Variants in PDPK1 observed in about 807,000 individuals in gnomAD.
PDPK1 encodes the protein 3-phosphoinositide-dependent protein kinase 1.
PDPK1 carries 7 observed loss-of-function variants against 39.8 expected under a neutral mutation model. That is an observed-to-expected ratio of 0.18 (90% CI 0.10 to 0.33). PDPK1 has a LOEUF of 0.33. Ranked by LOEUF, PDPK1 falls within the 10% of genes least tolerant of loss-of-function variation. The pLI is 1.00. For missense variants in PDPK1, 182 were observed against 384.7 expected, an observed-to-expected ratio of 0.47 and a Z score of 4.41; for synonymous variants, 118 against 159.1, an observed-to-expected ratio of 0.74 and a Z score of 1.95.
At position 2,597,298 on chromosome 16, in the gene PDPK1, C is replaced by G; in HGVS notation, c.1554+23C>G. The G allele has an allele frequency of 6.4e-7, 1 of 1,563,508 alleles. No homozygotes were observed. The highest frequency in any genetic ancestry group is 8.7e-7 in the Non-Finnish European group (1 of 1,145,082). Reference sequence around the variant, plus strand: ...ACGGTGAGTCTGTTCCCAGGGATTTCTGTGTGCAGGGTAATGGGAGGGCTT... The same window carrying G: ...ACGGTGAGTCTGTTCCCAGGGATTTGTGTGTGCAGGGTAATGGGAGGGCTT... On this transcript the variant is annotated intron_variant, in intron 13 of 13. Transcript: ENST00000342085. This position sits in a 1 kb window ranked among gnomAD's most constrained non-coding sequence, Gnocchi z 6.3.
At chr16:2,592,708 T>A in intron 11 of PDPK1, 4 of 424,552 alleles carry the variant, frequency 9.4e-6, no homozygotes, top group Non-Finnish European at 1.8e-5. Flanking sequence ...TTCCTGGAAG[T>A]GCTCACAGCA....
chr16:2,539,078 C>CTT (rs57517702), intron 1 of PDPK1: 4,157 of 146,178 alleles, frequency 0.028, 351 homozygotes, highest in African/African-American at 0.12. Flanking sequence ...CAGGATGCGG[C>CTT]TTTTTTTTTT....
chr16:2,540,525 G>C (rs1197238263), intron 1 of PDPK1, among the ~76,000 whole-genome samples: 2 of 152,204 alleles, frequency 1.3e-5, no homozygotes, highest in Non-Finnish European at 1.5e-5. Flanking sequence ...CTGCCGGGCA[G>C]CTCAGCCCAG....
chr16:2,597,517 C>A lies in PDPK1; in HGVS notation c.1555-134C>A. ...GGTCATCAGCCTGTGTAGTTGCTTA[C>A]TGCTTGTGTGAATAACCGTCACACC... On this transcript the variant is annotated intron_variant, in intron 13 of 13. Coordinates refer to ENST00000342085, the MANE Select transcript of PDPK1 (RefSeq NM_002613.5). The surrounding 1 kb of genome is among the most constrained non-coding windows in gnomAD (Gnocchi z 6.3). The A allele has an allele frequency of 1.3e-6, 1 of 750,800 alleles. No homozygotes were observed. The allele number at this position is 750,800 out of a possible 1,614,324, so 46.5% of individuals were successfully genotyped here.
rs2067250659 is a variant in PDPK1, at chr16:2,603,032, A to G, written c.*5265A>G. 1 of 228,722 alleles carries G rather than the reference A, an allele frequency of 4.4e-6. No homozygotes were observed. The highest frequency in any genetic ancestry group is 8.7e-6 in the Non-Finnish European group (1 of 115,194). 14.2% of individuals were successfully genotyped at this position (228,722 alleles called of 1,614,324 possible). A position where few individuals can be genotyped will look rare whatever the true frequency, so the allele number is the denominator to read the frequency against. ...ACAACTTTTTTTCTGGCTTTATTAT[A>G]TAAATTTTCTATTGGGTCAGTGATT... On this transcript the variant is annotated 3_prime_UTR_variant, in exon 14 of 14. Transcript: ENST00000342085.
intron 10 of PDPK1, among the ~76,000 whole-genome samples, chr16:2,584,920 CG>C (rs1039529973): frequency 2.0e-5 from 3 of 152,206 alleles, no homozygotes; most frequent in African/African-American, 7.2e-5. Context: ...GCTGCTCCTG[CG>C]TGGTGTTTGG....
In PDPK1 at chr16:2,580,392, G is replaced by A. The variant is rs567011274; in HGVS notation, c.786-903G>A. Reference sequence around the variant, plus strand: ...GTGCCCTGTTCTCCCTCTAGTGGGCGAGACGGGGTCTGCTGGGCTGAGTGA... The same window carrying A: ...GTGCCCTGTTCTCCCTCTAGTGGGCAAGACGGGGTCTGCTGGGCTGAGTGA... On this transcript the variant is annotated intron_variant, in intron 7 of 13. Coordinates refer to ENST00000342085, the MANE Select transcript of PDPK1 (RefSeq NM_002613.5). Among the ~76,000 whole-genome samples, 37 of 146,804 alleles carry A rather than the reference G, an allele frequency of 2.5e-4. 4 individuals are homozygous for A. The South Asian group carries it at 3.8e-3, about 15-fold the overall frequency.
chr16:2,541,069 G>C (rs564889576), intron 1 of PDPK1, among the ~76,000 whole-genome samples: 3 of 152,198 alleles, frequency 2.0e-5, no homozygotes, highest in African/African-American at 7.2e-5. Flanking sequence ...AGTCCAAGCT[G>C]AGTCTAGAGC....
At position 2,597,495 on chromosome 16, in the gene PDPK1, C is replaced by T. The variant is rs1183140859; in HGVS notation, c.1555-156C>T. ...TTTGGTGGTGACTGGGGGTGGTGGT[C>T]ATCAGCCTGTGTAGTTGCTTACTGC... On this transcript the variant is annotated intron_variant, in intron 13 of 13. Coordinates refer to ENST00000342085, the MANE Select transcript of PDPK1 (RefSeq NM_002613.5). The surrounding 1 kb of genome is among the most constrained non-coding windows in gnomAD (Gnocchi z 6.3). Among the ~76,000 whole-genome samples the T allele has an allele frequency of 6.6e-6, 1 of 152,314 alleles. No homozygotes were observed. The highest frequency in any genetic ancestry group is 1.9e-4 in the East Asian group (1 of 5,182).
intron 6 of PDPK1, 161 bp from the exon 7 acceptor site, chr16:2,577,264 A>G: frequency 1.4e-6 from 1 of 714,098 alleles, no homozygotes; most frequent in African/African-American, 1.9e-5. Context: ...TCCAGGGATC[A>G]GGCAGGCGTC....
chr16:2,538,360 G>T, intron 1 of PDPK1: 1 of 387,410 alleles, frequency 2.6e-6, no homozygotes, highest in Non-Finnish European at 4.9e-6. Flanking sequence ...CCTGGCCGGG[G>T]GCGCTGACAG....
At chr16:2,558,592 G>A (rs1332368883) in intron 2 of PDPK1, among the ~76,000 whole-genome samples, 22 of 149,684 alleles carry the variant, frequency 1.5e-4, no homozygotes, top group Non-Finnish European at 2.9e-4. Context: ...CAGCTGACAT[G>A]GGACGTTTTG....
At position 2,593,007 on chromosome 16, in the gene PDPK1, G is replaced by T. The variant is rs1385274825; in HGVS notation, c.1344-2786G>T. ...GTGACACTGCTGGGAGTGCCTCTGG[G>T]CTCCTTGCCTGTGGCCTTTTTTTTT... On this transcript the variant is annotated intron_variant, in intron 11 of 13. Coordinates refer to ENST00000342085, the MANE Select transcript of PDPK1 (RefSeq NM_002613.5). This position sits in a 1 kb window ranked among gnomAD's most constrained non-coding sequence, Gnocchi z 4.2. 6.6e-6 allele frequency: 3 copies of T among 456,684 alleles called. No homozygotes were observed. 28.3% of individuals were successfully genotyped at this position (456,684 alleles called of 1,614,324 possible). A position where few individuals can be genotyped will look rare whatever the true frequency, so the allele number is the denominator to read the frequency against.
At chr16:2,585,708 G>A (rs1436126287) in intron 10 of PDPK1, among the ~76,000 whole-genome samples, 2 of 152,228 alleles carry the variant, frequency 1.3e-5, no homozygotes, top group South Asian at 2.1e-4. Context: ...CACCATGCCC[G>A]TTGGCGAGCA....
rs2067124338 is a variant in PDPK1, at chr16:2,597,362, G to A, written c.1554+87G>A. 8.3e-7 allele frequency: 1 copy of A among 1,206,726 alleles called. No homozygotes were observed. Among genetic ancestry groups the A allele is most frequent in the African/African-American group, 1.5e-5 (1 of 66,098 alleles). The allele number at this position is 1,206,726 out of a possible 1,614,324, so 74.8% of individuals were successfully genotyped here. A position where few individuals can be genotyped will look rare whatever the true frequency, so the allele number is the denominator to read the frequency against. ...AAGCAGCCACAGGCCTTGGCCAGAG[G>A]GAGCAGCGGGGATCGGGGCAGCTGC... On this transcript the variant is annotated intron_variant, in intron 13 of 13. Coordinates refer to ENST00000342085, the MANE Select transcript of PDPK1 (RefSeq NM_002613.5). The surrounding 1 kb of genome is among the most constrained non-coding windows in gnomAD (Gnocchi z 6.3).
chr16:2,595,860 C>G lies in PDPK1; in HGVS notation c.1401+10C>G, dbSNP rs745653878. 6.2e-7 allele frequency: 1 copy of G among 1,609,696 alleles called. No individual in the cohort carries two copies. Among genetic ancestry groups the G allele is most frequent in the Admixed American group, 1.7e-5 (1 of 60,020 alleles). Reference sequence around the variant, plus strand: ...AGTGGATAAGCGGAAGGTGAGTGGTCAGTGGTCCCGCTGCTCCGCACGGAC... The same window carrying G: ...AGTGGATAAGCGGAAGGTGAGTGGTGAGTGGTCCCGCTGCTCCGCACGGAC... On this transcript the variant is annotated intron_variant, in intron 12 of 13. Coordinates refer to ENST00000342085, the MANE Select transcript of PDPK1 (RefSeq NM_002613.5).
In PDPK1 at chr16:2,598,565, T is replaced by C. The variant is rs1193137436; in HGVS notation, c.*798T>C. The C allele has an allele frequency of 8.6e-6, 2 of 233,314 alleles. No homozygotes were observed. Among genetic ancestry groups the C allele is most frequent in the Non-Finnish European group, 1.7e-5 (2 of 118,180 alleles). 14.5% of individuals were successfully genotyped at this position (233,314 alleles called of 1,614,324 possible). A position where few individuals can be genotyped will look rare whatever the true frequency, so the allele number is the denominator to read the frequency against. On this transcript the variant is annotated 3_prime_UTR_variant, in exon 14 of 14. Transcript: ENST00000342085. ...ATGCTGGGAGCGGTACTGTCAGAAG[T>C]GAGCCCAGTTAGTACCCCGCTGGCT...
At chr16:2,592,930 C>T (rs1361825866) in intron 11 of PDPK1, 2 of 456,546 alleles carry the variant, frequency 4.4e-6, no homozygotes, top group Admixed American at 2.3e-5. Flanking sequence ...CCCCGTGGTG[C>T]TGGCGTGTTC....
intron 1 of PDPK1, among the ~76,000 whole-genome samples, chr16:2,544,677 G>A (rs2066305073): frequency 2.6e-5 from 4 of 151,902 alleles, no homozygotes; most frequent in Admixed American, 2.0e-4. Context: ...TCCGCCTCCT[G>A]GGTTCACACC....
Sources: gnomAD v4.1 joint callset for allele counts (sites outside exome capture counted in the v4.1 genomes callset) on GRCh38, gnomAD v4.1.1 for gene constraint, Gnocchi (gnomAD v3.1) non-coding constraint, MANE v1.5 for transcripts, NCBI Gene and HGNC (gene_info 2026-07-23, HGNC 2026-07-21) for gene names.